The following ZDHHC5 variants were observed in gnomAD, a reference collection of about 807,000 sequenced individuals.
ZDHHC5 encodes zDHHC palmitoyltransferase 5.
A neutral mutation model predicts 70.0 loss-of-function variants in ZDHHC5; 22 were observed. The ratio of observed to expected loss-of-function variants is 0.31; its 90% CI spans 0.22 to 0.45. The LOEUF is 0.45. Ranked by LOEUF, ZDHHC5 falls within the 20% of genes least tolerant of loss-of-function variation. The pLI is 1.00. For synonymous variants in ZDHHC5, 313 were observed against 347.8 expected (o/e 0.90, Z 1.11); for missense variants, 746 against 926.9 (o/e 0.80, Z 2.53).
At chr11:57,690,904 G>A (rs941572242) in intron 6 of ZDHHC5, among the ~76,000 whole-genome samples, 1 of 152,014 alleles carries the variant, frequency 6.6e-6, no homozygotes, top group South Asian at 2.1e-4. Flanking sequence ...TGTAAGTGAC[G>A]AGTTAATGGG....
At chr11:57,691,389 G>A (rs573004726) in intron 6 of ZDHHC5, among the ~76,000 whole-genome samples, 191 of 152,144 alleles carry the variant, frequency 1.3e-3, no homozygotes, top group African/African-American at 4.3e-3. Context: ...AGTAGACACG[G>A]GGTTTCACCA....
intron 9 of ZDHHC5, 23 bp downstream of exon 9, chr11:57,696,066 A>T: frequency 6.2e-7 from 1 of 1,602,638 alleles, no homozygotes; most frequent in East Asian, 2.2e-5. Flanking sequence ...TTGATTTGCA[A>T]GATACTAGAA....
At chr11:57,696,188 T>C (rs1212985638) in intron 9 of ZDHHC5, 145 bp downstream of exon 9, 13 of 1,336,570 alleles carry the variant, frequency 9.7e-6, no homozygotes, top group African/African-American at 1.5e-5. Flanking sequence ...TTGTGCTACT[T>C]TGCAACTGAA....
intron 8 of ZDHHC5, among the ~76,000 whole-genome samples, chr11:57,695,280 T>C (rs1783976): frequency 0.65 from 99,061 of 151,652 alleles, 33,285 homozygotes; most frequent in East Asian, 0.9. Context: ...ATTAGCCAGG[T>C]GTGGTGGCAC....
chr11:57,699,448 C>G (rs886109177), intron 11 of ZDHHC5, 30 bp downstream of exon 11: 2 of 1,521,110 alleles, frequency 1.3e-6, no homozygotes, highest in African/African-American at 1.4e-5. Flanking sequence ...TGACCCTTAG[C>G]CAATTTCAAA....
intron 6 of ZDHHC5, among the ~76,000 whole-genome samples, chr11:57,691,532 C>A (rs142410704): frequency 5.8e-4 from 88 of 152,132 alleles, no homozygotes; most frequent in Non-Finnish European, 7.6e-4. Flanking sequence ...ATATCTATCT[C>A]CAAAGAAAGT....
chr11:57,690,410 G>A lies in ZDHHC5; in HGVS notation c.633G>A (p.Val211=), dbSNP rs768564488. The change falls in exon 6 of 12, where the codon GTG becomes GTA. Residue 211 remains valine (V), a synonymous_variant. Coordinates refer to ENST00000287169, the MANE Select transcript of ZDHHC5 (RefSeq NM_015457.3). Reference sequence around the variant, plus strand: ...TCACGGGATTTCACGTGGTTCTGGTGGCCAGGGGACGCACAACCAATGAAC... The same window carrying A: ...TCACGGGATTTCACGTGGTTCTGGTAGCCAGGGGACGCACAACCAATGAAC... The part of the protein sequence containing the change: ...AGLTGFHVVL[V]ARGRTTNEQV... 9.3e-6 allele frequency: 15 copies of A among 1,614,042 alleles called. No homozygotes were observed. Among genetic ancestry groups the A allele is most frequent in the Non-Finnish European group, 1.1e-5 (13 of 1,180,048 alleles).
chr11:57,692,755 CT>C, intron 7 of ZDHHC5, 53 bp downstream of exon 7: 1 of 1,588,924 alleles, frequency 6.3e-7, no homozygotes, highest in Non-Finnish European at 8.6e-7. Flanking sequence ...CTTTTATCTT[CT>C]TTGGGCTTGT....
chr11:57,698,445 A>C (rs888758075), intron 10 of ZDHHC5, 114 bp from the exon 11 acceptor site: 34 of 1,369,428 alleles, frequency 2.5e-5, no homozygotes, highest in Admixed American at 4.7e-5. Flanking sequence ...TGCATGTAAG[A>C]GTTCTAAGCT....
intron 2 of ZDHHC5, 141 bp downstream of exon 2, chr11:57,673,335 A>G: frequency 2.8e-6 from 2 of 707,786 alleles, no homozygotes; most frequent in East Asian, 2.8e-5. Context: ...AATCCCAGAG[A>G]CATGTAAGAA....
intron 11 of ZDHHC5, among the ~76,000 whole-genome samples, chr11:57,699,659 T>C: frequency 6.6e-6 from 1 of 152,218 alleles, no homozygotes. Context: ...TAAGTACATG[T>C]GATAGCTGTT....
Position 57,682,858 on chromosome 11 carries a change from T to G in ZDHHC5, c.226+315T>G, listed in dbSNP as rs77820987. 8.5e-4 allele frequency among the ~76,000 whole-genome samples: 129 copies of G among 152,334 alleles called. 1 individual carries two copies. The East Asian group carries it at 0.023, about 27-fold the overall frequency. The stretch of plus-strand genomic sequence containing the variant: ...AGAAATTTATTTAAAGCATATGGGT[T>G]GGATGCTATTTTTAGGTACAGTAAT... On this transcript the variant is annotated intron_variant, in intron 3 of 11. Transcript: ENST00000287169.
rs145187744 is a variant in ZDHHC5, at chr11:57,672,069, T to C, written c.-1022T>C. The C allele has an allele frequency of 2.3e-3, 901 of 392,724 alleles. 1 individual carries two copies. The highest frequency in any genetic ancestry group is 2.9e-3 in the Non-Finnish European group (648 of 222,872). The allele number at this position is 392,724 out of a possible 1,614,324, so 24.3% of individuals were successfully genotyped here. A position where few individuals can be genotyped will look rare whatever the true frequency, so the allele number is the denominator to read the frequency against. ...ACTCTGCATCTGGAAAGCTGAAGAC[T>C]GAAGAAAGATAAGAGACATTGACTA... On this transcript the variant is annotated 5_prime_UTR_variant, in exon 2 of 12. Coordinates refer to ENST00000287169, the MANE Select transcript of ZDHHC5 (RefSeq NM_015457.3).
In ZDHHC5 at chr11:57,678,889, G is replaced by A. The variant is rs1946109329; in HGVS notation, c.105-3533G>A. On this transcript the variant is annotated intron_variant, in intron 2 of 11. Coordinates refer to ENST00000287169, the MANE Select transcript of ZDHHC5 (RefSeq NM_015457.3). The stretch of plus-strand genomic sequence containing the variant: ...TGAATTCTAATAACTTTTGAATGAA[G>A]ATCTTTCTCCTTCATTCTCATGTTT... Among the ~76,000 whole-genome samples the A allele has an allele frequency of 2.0e-5, 3 of 152,136 alleles. No individual in the cohort carries two copies. The South Asian group carries it at 6.2e-4, about 32-fold the overall frequency.
chr11:57,691,110 C>T (rs1040071415), intron 6 of ZDHHC5, among the ~76,000 whole-genome samples: 2 of 151,998 alleles, frequency 1.3e-5, no homozygotes, highest in African/African-American at 2.4e-5. Flanking sequence ...CTTGATCTGT[C>T]GCCCAGGCTG....
At chr11:57,680,150 T>A (rs1307433615) in intron 2 of ZDHHC5, among the ~76,000 whole-genome samples, 1 of 152,172 alleles carries the variant, frequency 6.6e-6, no homozygotes, top group Non-Finnish European at 1.5e-5. Flanking sequence ...TTTGGGAGGC[T>A]GAGGCGGGCA....
chr11:57,692,341 C>G (rs1202328990), intron 6 of ZDHHC5, among the ~76,000 whole-genome samples: 1 of 152,064 alleles, frequency 6.6e-6, no homozygotes, highest in Non-Finnish European at 1.5e-5. Context: ...TATTCTTTAT[C>G]TTAGTTTTCA....
intron 2 of ZDHHC5, chr11:57,681,798 GGTTTACTTCTGTGTCTTGATATCCAT>G (rs1946152878): frequency 6.6e-6 from 1 of 152,126 alleles, no homozygotes; most frequent in African/African-American, 2.4e-5. Context: ...GACATCAAAG[GGTTTACTTCTGTGTCTTGATATCCAT>G]TCTCATCTGT....
At chr11:57,688,870 A>C (rs536215195) in intron 4 of ZDHHC5, among the ~76,000 whole-genome samples, 1 of 152,190 alleles carries the variant, frequency 6.6e-6, no homozygotes, top group Non-Finnish European at 1.5e-5. Context: ...CTTTAACTCA[A>C]TATGGGCATA....
Sources: allele counts gnomAD v4.1 joint callset (sites outside exome capture counted in the v4.1 genomes callset), GRCh38; gene constraint gnomAD v4.1.1; transcripts MANE v1.5; gene names NCBI Gene and HGNC (gene_info 2026-07-23, HGNC 2026-07-21).